Variants in LIPA observed in about 807,000 individuals in gnomAD.
LIPA encodes the protein lipase A, lysosomal acid type.
In LIPA, 26 loss-of-function variants were observed where a neutral mutation model predicts 40.6. That is an observed-to-expected ratio of 0.64 (90% CI 0.47 to 0.89). The LOEUF (loss-of-function observed/expected upper bound fraction) is 0.89. Ranked by LOEUF, LIPA falls within the 40% of genes least tolerant of loss-of-function variation. The pLI is 0.00. For missense variants in LIPA, 455 were observed against 479.6 expected (o/e 0.95, Z 0.48); for synonymous variants, 188 against 168.4 (o/e 1.12, Z -0.90).
chr10:89,295,195 T>C (rs1843406049), intron 1 of LIPA, among the ~76,000 whole-genome samples: 1 of 151,858 alleles, frequency 6.6e-6, no homozygotes. Context: ...GAATGTCATA[T>C]AGGTGGGAAC....
chr10:89,240,206 G>A (rs1005014134), intron 3 of LIPA, among the ~76,000 whole-genome samples: 1 of 152,136 alleles, frequency 6.6e-6, no homozygotes, highest in Admixed American at 6.5e-5. Flanking sequence ...TCTTCCTCCT[G>A]TCCACACAGT....
intron 8 of LIPA, among the ~76,000 whole-genome samples, chr10:89,220,386 C>T (rs1432268162): frequency 1.3e-5 from 2 of 152,082 alleles, no homozygotes; most frequent in Non-Finnish European, 2.9e-5. Flanking sequence ...GGTAAGAGGT[C>T]CTAGGCATCC....
chr10:89,402,386 CAG>C (rs1267498338), intron 2 of LIPA: 12 of 1,614,020 alleles, frequency 7.4e-6, no homozygotes, highest in Non-Finnish European at 9.3e-6. Flanking sequence ...ATTTAGAAAA[CAG>C]AGTCTTGGAT....
intron 2 of LIPA, chr10:89,412,655 T>C: frequency 2.8e-6 from 1 of 355,926 alleles, no homozygotes; most frequent in Non-Finnish European, 5.5e-6. Context: ...GTCTACGGCT[T>C]TACTCCTGAA....
At chr10:89,264,777 T>C (rs112749542) in intron 1 of LIPA, among the ~76,000 whole-genome samples, 5,982 of 152,290 alleles carry the variant, frequency 0.039, 179 homozygotes, top group Middle Eastern at 0.11. Flanking sequence ...CTCTGGGCTG[T>C]GGACACCACC....
intron 1 of LIPA, among the ~76,000 whole-genome samples, chr10:89,312,625 G>A (rs538311750): frequency 1.3e-5 from 2 of 151,564 alleles, no homozygotes; most frequent in Non-Finnish European, 2.9e-5. Flanking sequence ...TGGCTAACAC[G>A]GTGAAACCCC....
chr10:89,366,229 C>T (rs1404028211), intron 2 of LIPA, among the ~76,000 whole-genome samples: 2 of 151,992 alleles, frequency 1.3e-5, no homozygotes, highest in African/African-American at 4.8e-5. Context: ...AATGGGAGTT[C>T]ACTCATGATT....
upstream of LIPA, chr10:89,414,584 G>GCATCTGAT (rs1841509573): frequency 2.1e-6 from 1 of 471,760 alleles, no homozygotes; most frequent in Non-Finnish European, 3.7e-6. Flanking sequence ...TGAGCGCTCG[G>GCATCTGAT]CATCTGATTC....
chr10:89,339,450 A>G (rs778755035), intron 1 of LIPA: 4 of 1,614,186 alleles, frequency 2.5e-6, no homozygotes, highest in Non-Finnish European at 3.4e-6. Context: ...AACTGTTTCA[A>G]CGGGTGTTGG....
chr10:89,278,629 C>T (rs1843300679), intron 1 of LIPA: 1 of 152,012 alleles, frequency 6.6e-6, no homozygotes, highest in Non-Finnish European at 1.5e-5. Flanking sequence ...GGAATATTAA[C>T]CAAAAATATA....
At position 89,387,400 on chromosome 10, in the gene LIPA, T is replaced by C. The variant is rs147925476; in HGVS notation, c.61+25391A>G. Among the ~76,000 whole-genome samples the C allele has an allele frequency of 5.9e-5, 9 of 152,196 alleles. No homozygotes were observed. The East Asian group carries it at 1.3e-3, about 23-fold the overall frequency. On this transcript the variant is annotated intron_variant, in intron 2 of 8. Transcript: ENST00000371837. ...ATAAGAGGGAATCAATAAACAATTA[T>C]GGATTCATTGGCTGAATATCATCTA...
chr10:89,306,963 T>A (rs1424538260), intron 1 of LIPA: 1 of 1,614,060 alleles, frequency 6.2e-7, no homozygotes, highest in Non-Finnish European at 8.5e-7. Flanking sequence ...CTCTTCCGTG[T>A]CTGTTCCATT....
At chr10:89,376,884 G>A (rs1316669983) in intron 2 of LIPA, among the ~76,000 whole-genome samples, 1 of 152,112 alleles carries the variant, frequency 6.6e-6, no homozygotes, top group East Asian at 1.9e-4. Context: ...CTAGTTACAG[G>A]CCCAGGACAA....
At chr10:89,389,268 G>A (rs1404689333) in intron 2 of LIPA, among the ~76,000 whole-genome samples, 2 of 152,194 alleles carry the variant, frequency 1.3e-5, no homozygotes, top group Admixed American at 6.5e-5. Context: ...CATGGAAATG[G>A]ATTGATCGAT....
At chr10:89,389,975 C>CT (rs56947144) in intron 2 of LIPA, among the ~76,000 whole-genome samples, 8,094 of 80,206 alleles carry the variant, frequency 0.1, 441 homozygotes, top group Admixed American at 0.15. Context: ...AGATTTCTTT[C>CT]TTTTTTTTTT....
intron 3 of LIPA, among the ~76,000 whole-genome samples, chr10:89,243,786 G>A: frequency 6.6e-6 from 1 of 152,206 alleles, no homozygotes; most frequent in Non-Finnish European, 1.5e-5. Flanking sequence ...GACTCTGAGT[G>A]TTTTAACCAC....
chr10:89,320,379 C>A (rs146340697), intron 1 of LIPA, among the ~76,000 whole-genome samples: 39,788 of 151,896 alleles, frequency 0.26, 5,424 homozygotes, highest in African/African-American at 0.32. Flanking sequence ...GTCTCAGGAT[C>A]CAAAATCAAT....
intron 2 of LIPA, among the ~76,000 whole-genome samples, chr10:89,389,971 CTTTCTT>C: frequency 8.4e-6 from 1 of 118,672 alleles, no homozygotes; most frequent in East Asian, 2.7e-4. Flanking sequence ...CTGAAGATTT[CTTTCTT>C]TTTTTTTTTT....
chr10:89,350,566 A>G (rs1843953144), intron 2 of LIPA, among the ~76,000 whole-genome samples: 1 of 151,356 alleles, frequency 6.6e-6, no homozygotes, highest in South Asian at 2.1e-4. Flanking sequence ...CAGCCTCCCA[A>G]ATTGCTGGGA....
Sources: gnomAD v4.1 joint callset for allele counts (sites outside exome capture counted in the v4.1 genomes callset) on GRCh38, gnomAD v4.1.1 for gene constraint, MANE v1.5 for transcripts, NCBI Gene and HGNC (gene_info 2026-07-23, HGNC 2026-07-21) for gene names.